The following IPO5 variants were observed in gnomAD, a reference collection of about 807,000 sequenced individuals.
IPO5 encodes importin 5.
IPO5 carries 18 observed loss-of-function variants against 143.3 expected under a neutral mutation model. The ratio of observed to expected loss-of-function variants is 0.13; its 90% CI spans 0.09 to 0.19. The LOEUF is 0.19. Among genes scored for constraint, IPO5 ranks in the 10% least tolerant of loss-of-function variants. IPO5 has a pLI of 1.00. For missense variants in IPO5, 1,013 were observed against 1,336.9 expected (o/e 0.76, Z 3.78); for synonymous variants, 477 against 465.7 (o/e 1.02, Z -0.31).
rs373335703 is a variant in IPO5 at position 97,967,014 on chromosome 13, T to A, written c.-112-2709T>A. On this transcript the variant is annotated intron_variant, in intron 2 of 28. Coordinates refer to ENST00000651721, the MANE Select transcript of IPO5 (RefSeq NM_002271.6). ...TCACGCCACTGCACTCCAGCCTGGG[T>A]GACAGAGCAAGACTCTGTCTCAAAA... 4.6e-5 allele frequency among the ~76,000 whole-genome samples: 7 copies of A among 152,250 alleles called. 1 individual carries two copies. Among genetic ancestry groups the A allele is most frequent in the African/African-American group, 1.7e-4 (7 of 41,546 alleles).
At chr13:98,017,600 A>G (rs1259422463) in intron 25 of IPO5, among the ~76,000 whole-genome samples, 1 of 149,876 alleles carries the variant, frequency 6.7e-6, no homozygotes, top group Admixed American at 6.7e-5. Flanking sequence ...GCCCAGGCCT[A>G]CGCTTCCTAT....
chr13:97,961,581 T>G (rs774702533), intron 2 of IPO5, among the ~76,000 whole-genome samples: 1 of 152,236 alleles, frequency 6.6e-6, no homozygotes, highest in African/African-American at 2.4e-5. Context: ...CACATTCTTG[T>G]CAACACTTGC....
chr13:98,020,075 T>A, intron 27 of IPO5: 1 of 269,720 alleles, frequency 3.7e-6, no homozygotes, highest in Non-Finnish European at 7.0e-6. Context: ...TTTCTTTGTT[T>A]TTAAATTTTT....
rs1485468607 is a variant in IPO5, at chr13:98,023,166, GC to G, written c.*1347del. On this transcript the variant is annotated 3_prime_UTR_variant, in exon 29 of 29. Coordinates refer to ENST00000651721, the MANE Select transcript of IPO5 (RefSeq NM_002271.6). ...ACAGATGGTTTCCTTGTTAGCAGATGCCCTTCAAATATATTTTACGTTTGCA... is the reference window on the plus strand; with the variant it reads ...ACAGATGGTTTCCTTGTTAGCAGATGCCTTCAAATATATTTTACGTTTGCA... 6.6e-6 allele frequency: 1 copy of G among 152,560 alleles called. No individual in the cohort carries two copies. The highest frequency in any genetic ancestry group is 6.5e-5 in the Admixed American group (1 of 15,274). The allele number at this position is 152,560 out of a possible 1,614,324, so 9.5% of individuals were successfully genotyped here. A position where few individuals can be genotyped will look rare whatever the true frequency, so the allele number is the denominator to read the frequency against.
rs966090229 is a variant in IPO5 at position 98,022,005 on chromosome 13, A to G, written c.*183A>G. The G allele has an allele frequency of 2.4e-6, 1 of 412,534 alleles. No homozygotes were observed. The highest frequency in any genetic ancestry group is 3.3e-5 in the East Asian group (1 of 30,098). 25.6% of individuals were successfully genotyped at this position (412,534 alleles called of 1,614,324 possible). On this transcript the variant is annotated 3_prime_UTR_variant, in exon 29 of 29. Coordinates refer to ENST00000651721, the MANE Select transcript of IPO5 (RefSeq NM_002271.6). ...CAGAATGGAGTTTCCATGGATTTCT[A>G]CCAGACCACTGAAGGAGTTCCTGGA...
intron 17 of IPO5, chr13:98,007,661 G>T: frequency 1.3e-5 from 2 of 157,936 alleles, no homozygotes; most frequent in African/African-American, 2.4e-5. Flanking sequence ...TCTTTAAAAC[G>T]CTGCCTGTTT....
Position 97,997,524 on chromosome 13 carries a change from A to G in IPO5, c.914-7A>G, listed in dbSNP as rs1488524360. The G allele has an allele frequency of 6.4e-7, 1 of 1,551,384 alleles. No homozygotes were observed. Among genetic ancestry groups the G allele is most frequent in the Non-Finnish European group, 8.9e-7 (1 of 1,125,926 alleles). ...GTCTTCGGGTATGAAATAATTGTTTACTTTAGTTCCTCAGATGTTAGCAAT... is the reference window on the plus strand; with the variant it reads ...GTCTTCGGGTATGAAATAATTGTTTGCTTTAGTTCCTCAGATGTTAGCAAT... On this transcript the variant is annotated splice_polypyrimidine_tract_variant and splice_region_variant and intron_variant, in intron 11 of 28. Transcript: ENST00000651721.
rs71117684 is a variant in IPO5, at chr13:97,983,965, CTTTTTTTTTTTTT to C, written c.171+1401_171+1413del. 9.8e-3 allele frequency among the ~76,000 whole-genome samples: 451 copies of C among 45,874 alleles called. 4 individuals are homozygous for C. Among genetic ancestry groups the C allele is most frequent in the African/African-American group, 0.036 (411 of 11,332 alleles). 30.1% of individuals were successfully genotyped at this position (45,874 alleles called of 152,430 possible). ...TGAAGAACCCTATATAGGGTAACTT[CTTTTTTTTTTTTT>C]TTTTTTTTTTTTTTTTTTGAGACGG... On this transcript the variant is annotated intron_variant, in intron 5 of 28. Coordinates refer to ENST00000651721, the MANE Select transcript of IPO5 (RefSeq NM_002271.6).
chr13:98,012,045 A>G (rs1889763202), intron 20 of IPO5, among the ~76,000 whole-genome samples: 1 of 151,658 alleles, frequency 6.6e-6, no homozygotes, highest in Non-Finnish European at 1.5e-5. Context: ...TTTGTCACTC[A>G]CCAATACTAC....
chr13:97,976,873 C>T, intron 4 of IPO5, 87 bp downstream of exon 4: 2 of 313,190 alleles, frequency 6.4e-6, no homozygotes, highest in African/African-American at 2.3e-5. Flanking sequence ...CTCGGCCGGT[C>T]CGCGGCGGCC....
At chr13:97,961,713 T>C (rs993050005) in intron 2 of IPO5, among the ~76,000 whole-genome samples, 4 of 152,228 alleles carry the variant, frequency 2.6e-5, no homozygotes, top group African/African-American at 7.2e-5. Context: ...TTATTGGCCA[T>C]TTGTATATTT....
chr13:97,990,404 T>C (rs1004176801), intron 8 of IPO5, 29 bp from the exon 9 acceptor site: 22 of 1,496,306 alleles, frequency 1.5e-5, no homozygotes, highest in East Asian at 4.5e-5. Flanking sequence ...AAATTTCTCA[T>C]GTTTGACATT....
intron 2 of IPO5, chr13:97,960,411 T>A (rs1025322523): frequency 1.3e-5 from 2 of 152,084 alleles, no homozygotes; most frequent in African/African-American, 4.8e-5. Flanking sequence ...AAGGTAAAAA[T>A]ACTGTGAATG....
At chr13:97,990,265 C>G (rs368542655) in intron 8 of IPO5, 43 bp downstream of exon 8, 13 of 1,404,336 alleles carry the variant, frequency 9.3e-6, no homozygotes, top group African/African-American at 2.9e-5. Context: ...CTATTTTAAT[C>G]TAATTTGCGA....
chr13:97,982,420 C>T, intron 4 of IPO5, 83 bp from the exon 5 acceptor site: 1 of 870,002 alleles, frequency 1.1e-6, no homozygotes, highest in Non-Finnish European at 1.9e-6. Flanking sequence ...CTCATGCATC[C>T]TTCCCACTGT....
At chr13:98,012,054 A>G (rs1039623618) in intron 20 of IPO5, among the ~76,000 whole-genome samples, 192 bp from the exon 21 acceptor site, 9 of 151,978 alleles carry the variant, frequency 5.9e-5, no homozygotes, top group Non-Finnish European at 8.8e-5. Flanking sequence ...CACCAATACT[A>G]CAATCATTTC....
intron 20 of IPO5, among the ~76,000 whole-genome samples, chr13:98,012,020 C>CT (rs941288485): frequency 7.0e-4 from 102 of 145,860 alleles, no homozygotes; most frequent in African/African-American, 1.2e-3. Flanking sequence ...CAATAATTTC[C>CT]TTTTTTTTTT....
chr13:98,007,998 C>G, intron 17 of IPO5, 61 bp from the exon 18 acceptor site: 1 of 1,012,764 alleles, frequency 9.9e-7, no homozygotes, highest in Non-Finnish European at 1.5e-6. Context: ...CAAAGCTTTG[C>G]TAATTACACA....
intron 2 of IPO5, among the ~76,000 whole-genome samples, chr13:97,959,448 G>A (rs918489453): frequency 1.3e-5 from 2 of 151,850 alleles, no homozygotes; most frequent in Admixed American, 6.6e-5. Context: ...AGACTGTCCC[G>A]GCAGGGCACG....
Sources: allele counts gnomAD v4.1 joint callset (sites outside exome capture counted in the v4.1 genomes callset), GRCh38; gene constraint gnomAD v4.1.1; transcripts MANE v1.5; gene names NCBI Gene and HGNC (gene_info 2026-07-23, HGNC 2026-07-21).